RALGAPA1: variants seen among roughly 807,000 people sequenced by gnomAD.
The protein encoded by RALGAPA1 is Ral GTPase activating protein catalytic subunit alpha 1.
A neutral mutation model predicts 269.6 loss-of-function variants in RALGAPA1; 52 were observed. The ratio of observed to expected loss-of-function variants is 0.19; its 90% CI spans 0.15 to 0.24. The LOEUF (loss-of-function observed/expected upper bound fraction) is 0.24, where lower values mean the gene tolerates loss of function less well. RALGAPA1 is among the 10% of genes least tolerant of loss of function. The pLI is 1.00. For synonymous variants in RALGAPA1, 817 were observed against 1,008.3 expected (o/e 0.81, Z 3.60); for missense variants, 1,917 against 3,013.9 (o/e 0.64, Z 8.52).
intron 12 of RALGAPA1, among the ~76,000 whole-genome samples, chr14:35,729,348 A>C (rs2070256607): frequency 6.6e-6 from 1 of 152,136 alleles, no homozygotes; most frequent in African/African-American, 2.4e-5. Context: ...TTTTTAGCAA[A>C]CTAAGAAAAA....
chr14:35,669,317 C>T lies in RALGAPA1; in HGVS notation c.5202+2072G>A, dbSNP rs538436098. On this transcript the variant is annotated intron_variant, in intron 26 of 41. Transcript: ENST00000680220. ...TTGCCCAGGCTGGAGTGCAATGGTG[C>T]GATCTCGGCTCACTGCAAACTCTGC... Among the ~76,000 whole-genome samples the T allele has an allele frequency of 3.9e-5, 6 of 152,118 alleles. No individual in the cohort carries two copies. In the East Asian group the frequency reaches 9.7e-4, roughly 24 times the overall value.
chr14:35,808,119 T>A (rs900879126), intron 1 of RALGAPA1, among the ~76,000 whole-genome samples: 1 of 152,102 alleles, frequency 6.6e-6, no homozygotes, highest in Non-Finnish European at 1.5e-5. Flanking sequence ...ATAAAAAAAA[T>A]ATTTTTAATT....
intron 17 of RALGAPA1, among the ~76,000 whole-genome samples, chr14:35,699,581 A>G (rs2067173659): frequency 6.6e-6 from 1 of 152,168 alleles, no homozygotes; most frequent in Non-Finnish European, 1.5e-5. Flanking sequence ...AGGGCTTCAC[A>G]GAATGGTTTA....
intron 7 of RALGAPA1, among the ~76,000 whole-genome samples, chr14:35,753,245 G>A (rs1159109829): frequency 6.6e-6 from 1 of 152,170 alleles, no homozygotes; most frequent in African/African-American, 2.4e-5. Flanking sequence ...GACAACCTGA[G>A]CATCAAAATT....
intron 30 of RALGAPA1, among the ~76,000 whole-genome samples, chr14:35,654,029 G>T (rs1433035408): frequency 1.3e-5 from 2 of 152,070 alleles, no homozygotes; most frequent in African/African-American, 4.8e-5. Flanking sequence ...GTTGAGCCAG[G>T]GTCTTGCTAT....
At chr14:35,698,773 G>A (rs2067104977) in intron 17 of RALGAPA1, among the ~76,000 whole-genome samples, 2 of 152,050 alleles carry the variant, frequency 1.3e-5, no homozygotes, top group Admixed American at 1.3e-4. Context: ...CAGAAACATT[G>A]TTTGCCAACT....
intron 12 of RALGAPA1, among the ~76,000 whole-genome samples, chr14:35,735,661 T>TTA (rs2070919067): frequency 1.3e-5 from 2 of 151,684 alleles, no homozygotes; most frequent in Non-Finnish European, 2.9e-5. Flanking sequence ...ACTAAAGAAC[T>TTA]TACTCATGTA....
intron 41 of RALGAPA1, among the ~76,000 whole-genome samples, chr14:35,547,804 T>A (rs1195993362): frequency 6.6e-6 from 1 of 152,076 alleles, no homozygotes; most frequent in Non-Finnish European, 1.5e-5. Flanking sequence ...TTTTATACTA[T>A]CTGAAAGCGA....
chr14:35,668,264 C>T (rs912529753), intron 26 of RALGAPA1, among the ~76,000 whole-genome samples: 2 of 152,156 alleles, frequency 1.3e-5, no homozygotes, highest in African/African-American at 4.8e-5. Flanking sequence ...GGGCAGATCA[C>T]CTAAGGTCAG....
intron 41 of RALGAPA1, among the ~76,000 whole-genome samples, chr14:35,540,783 G>A (rs1748670994): frequency 6.6e-6 from 1 of 152,152 alleles, no homozygotes; most frequent in Non-Finnish European, 1.5e-5. Flanking sequence ...ACACCACACA[G>A]GTTGCAGGTT....
intron 22 of RALGAPA1, among the ~76,000 whole-genome samples, chr14:35,675,212 C>G (rs1425954602): frequency 2.6e-5 from 4 of 152,094 alleles, no homozygotes; most frequent in African/African-American, 4.8e-5. Context: ...GTCTTGCACT[C>G]TCTCCCAGGC....
intron 35 of RALGAPA1, among the ~76,000 whole-genome samples, chr14:35,606,374 G>A (rs1474630756): frequency 6.6e-6 from 1 of 152,096 alleles, no homozygotes; most frequent in Admixed American, 6.5e-5. Context: ...AATACTGTAG[G>A]CAATTATGAC....
rs926339307 is a variant in RALGAPA1 at position 35,605,939 on chromosome 14, AAGG to A, written c.6930-233_6930-231del. Among the ~76,000 whole-genome samples the A allele has an allele frequency of 2.6e-5, 4 of 152,352 alleles. 1 individual carries two copies. Among genetic ancestry groups the A allele is most frequent in the African/African-American group, 9.6e-5 (4 of 41,596 alleles). On this transcript the variant is annotated intron_variant, in intron 35 of 41. Transcript: ENST00000680220. ...TTTTGACTGCAAAAACAGAAACTTA[AAGG>A]AGAAGATAAAATTGAGTTAGATGAA...
At chr14:35,594,634 G>A (rs1378052911) in intron 37 of RALGAPA1, among the ~76,000 whole-genome samples, 3 of 151,340 alleles carry the variant, frequency 2.0e-5, no homozygotes, top group Non-Finnish European at 4.4e-5. Flanking sequence ...TGCCAAAAAG[G>A]TAAGAGATAA....
chr14:35,565,568 C>A (rs1445421815), intron 39 of RALGAPA1, among the ~76,000 whole-genome samples: 1 of 152,078 alleles, frequency 6.6e-6, no homozygotes. Flanking sequence ...GCAACATCAA[C>A]TCTTCCCCGA....
intron 12 of RALGAPA1, among the ~76,000 whole-genome samples, chr14:35,729,136 T>C (rs2141020304): frequency 6.6e-6 from 1 of 152,332 alleles, no homozygotes; most frequent in East Asian, 1.9e-4. Context: ...AGATGACACC[T>C]AAATCAGGAA....
At chr14:35,781,458 T>C (rs1028823451) in intron 1 of RALGAPA1, among the ~76,000 whole-genome samples, 22 of 152,216 alleles carry the variant, frequency 1.4e-4, no homozygotes, top group African/African-American at 5.1e-4. Flanking sequence ...TTCCCACTCA[T>C]TCTATGAGGC....
intron 16 of RALGAPA1, among the ~76,000 whole-genome samples, chr14:35,712,618 C>A (rs1268495955): frequency 1.3e-5 from 2 of 152,150 alleles, no homozygotes; most frequent in African/African-American, 4.8e-5. Context: ...AAGCAATCAT[C>A]TCACCTCATT....
At chr14:35,614,880 A>T (rs942383915) in intron 35 of RALGAPA1, among the ~76,000 whole-genome samples, 1 of 152,136 alleles carries the variant, frequency 6.6e-6, no homozygotes, top group African/African-American at 2.4e-5. Context: ...AGAAATCTTC[A>T]TCTAATACTA....
Sources: gnomAD v4.1 joint callset for allele counts (sites outside exome capture counted in the v4.1 genomes callset) on GRCh38, gnomAD v4.1.1 for gene constraint, MANE v1.5 for transcripts, NCBI Gene and HGNC (gene_info 2026-07-23, HGNC 2026-07-21) for gene names.